KCTD16: variants seen among roughly 807,000 people sequenced by gnomAD.
KCTD16 encodes potassium channel tetramerization domain containing 16.
Under a neutral mutation model 33.2 loss-of-function variants are expected in KCTD16, and 13 were observed. The observed-to-expected ratio is 0.39, with a 90% CI of 0.25 to 0.62. The LOEUF is 0.62. Among genes scored for constraint, KCTD16 ranks in the 20% least tolerant of loss-of-function variants. The pLI, the probability that KCTD16 is intolerant of heterozygous loss-of-function variation, is 0.50. For synonymous variants in KCTD16, 197 were observed against 195.3 expected (o/e 1.01, Z -0.07); for missense variants, 441 against 525.1 (o/e 0.84, Z 1.57).
intron 3 of KCTD16, among the ~76,000 whole-genome samples, chr5:144,313,917 T>G (rs1036608063): frequency 1.3e-5 from 2 of 152,188 alleles, no homozygotes; most frequent in African/African-American, 4.8e-5. Flanking sequence ...GAATCTGGAT[T>G]TAGTATATAT....
chr5:144,417,303 A>T (rs1192047856), intron 3 of KCTD16, among the ~76,000 whole-genome samples: 1 of 152,026 alleles, frequency 6.6e-6, no homozygotes, highest in African/African-American at 2.4e-5. Flanking sequence ...ATATATTATT[A>T]TACTTATATT....
chr5:144,258,053 T>G (rs566142205), intron 3 of KCTD16, among the ~76,000 whole-genome samples: 16 of 152,366 alleles, frequency 1.1e-4, no homozygotes, highest in African/African-American at 3.6e-4. Context: ...TATTTAAGAC[T>G]ATTTATTGTT....
At chr5:144,214,830 T>G (rs1050694965) in intron 3 of KCTD16, among the ~76,000 whole-genome samples, 1 of 152,246 alleles carries the variant, frequency 6.6e-6, no homozygotes, top group Non-Finnish European at 1.5e-5. Context: ...TATTTACCTG[T>G]CTTTCCAACT....
At chr5:144,348,368 G>A (rs1278117925) in intron 3 of KCTD16, among the ~76,000 whole-genome samples, 1 of 152,078 alleles carries the variant, frequency 6.6e-6, no homozygotes, top group Admixed American at 6.5e-5. Flanking sequence ...TTTTATAGAT[G>A]GGAAATAAAA....
At chr5:144,345,329 AT>A (rs1241598587) in intron 3 of KCTD16, among the ~76,000 whole-genome samples, 1 of 152,048 alleles carries the variant, frequency 6.6e-6, no homozygotes, top group Non-Finnish European at 1.5e-5. Flanking sequence ...CATTGTGCAC[AT>A]GTACCCTAAA....
At chr5:144,222,717 T>C (rs1479305524) in intron 3 of KCTD16, among the ~76,000 whole-genome samples, 1 of 152,180 alleles carries the variant, frequency 6.6e-6, no homozygotes, top group Non-Finnish European at 1.5e-5. Context: ...GTTCAACCAT[T>C]GTGGAAGACA....
chr5:144,407,199 C>A (rs896793059), intron 3 of KCTD16, among the ~76,000 whole-genome samples: 1 of 88,688 alleles, frequency 1.1e-5, no homozygotes, highest in African/African-American at 5.4e-5. Context: ...AAAAAAATTC[C>A]TGTTTTTTTT....
chr5:144,235,343 A>T (rs192187914), intron 3 of KCTD16, among the ~76,000 whole-genome samples: 263 of 152,080 alleles, frequency 1.7e-3, no homozygotes, highest in Non-Finnish European at 3.4e-3. Context: ...AGGCAAAAGC[A>T]CTCTATCTCC....
At chr5:144,296,745 G>C (rs1756048041) in intron 3 of KCTD16, among the ~76,000 whole-genome samples, 1 of 151,854 alleles carries the variant, frequency 6.6e-6, no homozygotes, top group Admixed American at 6.6e-5. Context: ...CAAATGTTTT[G>C]AGAAGTCAAG....
chr5:144,228,824 G>A (rs1314327090), intron 3 of KCTD16, among the ~76,000 whole-genome samples: 2 of 152,182 alleles, frequency 1.3e-5, no homozygotes, highest in African/African-American at 2.4e-5. Context: ...GAATAGATAT[G>A]TAGCCGATAC....
chr5:144,336,520 C>T (rs546121936), intron 3 of KCTD16, among the ~76,000 whole-genome samples: 3 of 152,296 alleles, frequency 2.0e-5, no homozygotes, highest in African/African-American at 7.2e-5. Context: ...AACCTCTTTG[C>T]CCCTGGTCCC....
At chr5:144,177,794 A>G (rs879301905) in intron 2 of KCTD16, among the ~76,000 whole-genome samples, 7 of 152,182 alleles carry the variant, frequency 4.6e-5, no homozygotes, top group African/African-American at 1.2e-4. Flanking sequence ...AAGGACTTCA[A>G]TATGTCTTTT....
At chr5:144,238,393 G>A (rs1014984607) in intron 3 of KCTD16, among the ~76,000 whole-genome samples, 2 of 152,058 alleles carry the variant, frequency 1.3e-5, no homozygotes, top group Admixed American at 6.6e-5. Context: ...CTGGAGAATC[G>A]ATGAGCTCAT....
intron 3 of KCTD16, among the ~76,000 whole-genome samples, chr5:144,282,323 C>T (rs1001522380): frequency 6.6e-6 from 1 of 152,188 alleles, no homozygotes; most frequent in Non-Finnish European, 1.5e-5. Flanking sequence ...CCAGAGAGGG[C>T]ATAAAACTTC....
chr5:144,455,785 G>A (rs534039343), intron 3 of KCTD16, among the ~76,000 whole-genome samples: 30 of 152,322 alleles, frequency 2.0e-4, no homozygotes, highest in Admixed American at 2.6e-4. Flanking sequence ...TTTAAGAAAG[G>A]ACTTCCATAA....
At chr5:144,369,156 A>T (rs938304016) in intron 3 of KCTD16, among the ~76,000 whole-genome samples, 5 of 152,126 alleles carry the variant, frequency 3.3e-5, no homozygotes, top group African/African-American at 1.2e-4. Flanking sequence ...ACTGCCCCAT[A>T]GGACCGATTT....
chr5:144,210,962 T>C (rs1753373548), intron 3 of KCTD16, among the ~76,000 whole-genome samples: 1 of 152,186 alleles, frequency 6.6e-6, no homozygotes, highest in African/African-American at 2.4e-5. Flanking sequence ...CTGAATTCTA[T>C]GAATTATGGA....
intron 3 of KCTD16, among the ~76,000 whole-genome samples, chr5:144,424,670 G>C (rs1204183216): frequency 6.6e-6 from 1 of 152,138 alleles, no homozygotes; most frequent in Non-Finnish European, 1.5e-5. Flanking sequence ...GGTGTCTGGT[G>C]AGGATGATTC....
At chr5:144,307,063 C>G (rs926209000) in intron 3 of KCTD16, among the ~76,000 whole-genome samples, 5 of 152,150 alleles carry the variant, frequency 3.3e-5, no homozygotes, top group African/African-American at 1.2e-4. Flanking sequence ...TGACACTAGC[C>G]CACCTTTCTG....
Sources: allele counts gnomAD v4.1 joint callset (sites outside exome capture counted in the v4.1 genomes callset), GRCh38; gene constraint gnomAD v4.1.1; transcripts MANE v1.5; gene names NCBI Gene and HGNC (gene_info 2026-07-23, HGNC 2026-07-21).